The following FLOT1 variants were observed in gnomAD, a reference collection of about 807,000 sequenced individuals.
FLOT1 encodes the protein flotillin-1.
A neutral mutation model predicts 58.4 loss-of-function variants in FLOT1; 40 were observed. The observed-to-expected ratio is 0.69, with a 90% CI of 0.53 to 0.89. The LOEUF is 0.89. Among genes scored for constraint, FLOT1 ranks in the 40% least tolerant of loss-of-function variants. The pLI is 0.00. For synonymous variants in FLOT1, 178 were observed against 204.2 expected, an observed-to-expected ratio of 0.87 and a Z score of 1.09; for missense variants, 423 against 540.8, an observed-to-expected ratio of 0.78 and a Z score of 2.16.
intron 8 of FLOT1, chr6:30,736,426 C>T (rs1455107574): frequency 6.7e-6 from 1 of 148,822 alleles, no homozygotes; most frequent in Non-Finnish European, 1.5e-5. Context: ...CTATCTTTAC[C>T]TTAAAAAAAA....
intron 8 of FLOT1, among the ~76,000 whole-genome samples, chr6:30,734,354 G>C (rs1777417817): frequency 6.6e-6 from 1 of 150,944 alleles, no homozygotes; most frequent in Non-Finnish European, 1.5e-5. Context: ...TGTCACCCAG[G>C]CTGGAGTGCA....
chr6:30,727,966 G>T lies in FLOT1; in HGVS notation c.*150C>A. 1 of 773,534 alleles carries T rather than the reference G, an allele frequency of 1.3e-6. No homozygotes were observed. The highest frequency in any genetic ancestry group is 2.3e-6 in the Non-Finnish European group (1 of 440,362). 47.9% of individuals were successfully genotyped at this position (773,534 alleles called of 1,614,324 possible). A position where few individuals can be genotyped will look rare whatever the true frequency, so the allele number is the denominator to read the frequency against. The stretch of plus-strand genomic sequence containing the variant: ...TGGCAAGGGGAGCAACCCCCTTCAA[G>T]ACAAGGCACAAACTATTTGGCAAGG... On this transcript the variant is annotated 3_prime_UTR_variant, in exon 13 of 13. Coordinates refer to ENST00000376389, the MANE Select transcript of FLOT1 (RefSeq NM_005803.4).
Position 30,727,873 on chromosome 6 carries a change from G to T in FLOT1, c.*243C>A. 1 of 597,410 alleles carries T rather than the reference G, an allele frequency of 1.7e-6. No homozygotes were observed. Among genetic ancestry groups the T allele is most frequent in the South Asian group, 2.0e-5 (1 of 49,606 alleles). 37.0% of individuals were successfully genotyped at this position (597,410 alleles called of 1,614,324 possible). On this transcript the variant is annotated 3_prime_UTR_variant, in exon 13 of 13. Coordinates refer to ENST00000376389, the MANE Select transcript of FLOT1 (RefSeq NM_005803.4). ...TTAGGAAGTTAAATAAGTTGAGGTG[G>T]GGTGGAGTGGGATCATCAGAAGGCT...
At position 30,741,745 on chromosome 6, in the gene FLOT1, A is replaced by G. The variant is rs1365659080; in HGVS notation, c.120-41T>C. The G allele has an allele frequency of 6.2e-7, 1 of 1,610,684 alleles. No homozygotes were observed. Among genetic ancestry groups the G allele is most frequent in the South Asian group, 1.1e-5 (1 of 91,042 alleles). On this transcript the variant is annotated intron_variant, in intron 3 of 12. Transcript: ENST00000376389. This position sits in a 1 kb window ranked among gnomAD's most constrained non-coding sequence, Gnocchi z 5.9. ...GGGACAGACAGTAAGAAGAGGAGGA[A>G]AAAGAGAAAACGGAGGTCCCCCTTC...
rs776220233 is a variant in FLOT1 at position 30,741,763 on chromosome 6, C to T, written c.119+29G>A. ...AGGAGGAAAAAGAGAAAACGGAGGT[C>T]CCCCTTCCCTGGTTCCCTTCTTGCC... On this transcript the variant is annotated intron_variant, in intron 3 of 12. Transcript: ENST00000376389. This position sits in a 1 kb window ranked among gnomAD's most constrained non-coding sequence, Gnocchi z 5.9. 36 of 1,611,196 alleles carry T rather than the reference C, an allele frequency of 2.2e-5. No individual in the cohort carries two copies. Among genetic ancestry groups the T allele is most frequent in the Non-Finnish European group, 2.8e-5 (33 of 1,178,442 alleles).
At chr6:30,740,121 G>C (rs772724011) in intron 8 of FLOT1, 37 bp downstream of exon 8, 5 of 1,605,892 alleles carry the variant, frequency 3.1e-6, no homozygotes, top group Non-Finnish European at 3.4e-6. Context: ...GAGAGGAATG[G>C]GGAAGGGGCA....
rs35048121 is a variant in FLOT1 at position 30,733,740 on chromosome 6, C to CAAAA, written c.724-2644_724-2641dup. Reference sequence around the variant, plus strand: ...GGGTGACAAGAGCAAAAATCCATCTCAAAAAAAAAAAAAAAGAAAAGAAAG... The same window carrying CAAAA: ...GGGTGACAAGAGCAAAAATCCATCTCAAAAAAAAAAAAAAAAAAAGAAAAGAAAG... On this transcript the variant is annotated intron_variant, in intron 8 of 12. Coordinates refer to ENST00000376389, the MANE Select transcript of FLOT1 (RefSeq NM_005803.4). Among the ~76,000 whole-genome samples, 32 of 63,056 alleles carry CAAAA rather than the reference C, an allele frequency of 5.1e-4. 1 individual carries two copies. Among genetic ancestry groups the CAAAA allele is most frequent in the East Asian group, 3.6e-3 (7 of 1,962 alleles). 41.4% of individuals were successfully genotyped at this position (63,056 alleles called of 152,430 possible).
intron 5 of FLOT1, 115 bp from the exon 6 acceptor site, chr6:30,740,913 A>G: frequency 7.0e-7 from 1 of 1,423,386 alleles, no homozygotes; most frequent in South Asian, 1.4e-5. Flanking sequence ...CAGCCTCCCA[A>G]GTAGCTGGGA....
At position 30,741,370 on chromosome 6, in the gene FLOT1, G is replaced by A; in HGVS notation, c.211-37C>T. The A allele has an allele frequency of 6.2e-7, 1 of 1,612,092 alleles. No homozygotes were observed. The highest frequency in any genetic ancestry group is 8.5e-7 in the Non-Finnish European group (1 of 1,179,320). On this transcript the variant is annotated intron_variant, in intron 4 of 12. Coordinates refer to ENST00000376389, the MANE Select transcript of FLOT1 (RefSeq NM_005803.4). The surrounding 1 kb of genome is among the most constrained non-coding windows in gnomAD (Gnocchi z 5.9). ...GTAGGGGTAGGAAAGGTGTGGTGGG[G>A]GTCTCATGAAGTCAGAGAAAAAGCA... is the stretch of plus-strand genomic sequence containing the variant.
rs773552877 is a variant in FLOT1 at position 30,741,611 on chromosome 6, C to T, written c.210+3G>A. 28 of 1,608,636 alleles carry T rather than the reference C, an allele frequency of 1.7e-5. No homozygotes were observed. Among genetic ancestry groups the T allele is most frequent in the Non-Finnish European group, 2.4e-5 (28 of 1,176,332 alleles). ...TGTGGGGAAAAGGCTCTGAAAGCTT[C>T]ACCTGGGCAATGCCAGTGACTGAGA... On this transcript the variant is annotated splice_donor_region_variant and intron_variant, in intron 4 of 12. Coordinates refer to ENST00000376389, the MANE Select transcript of FLOT1 (RefSeq NM_005803.4). The surrounding 1 kb of genome is among the most constrained non-coding windows in gnomAD (Gnocchi z 5.9).
At position 30,741,484 on chromosome 6, in the gene FLOT1, A is replaced by G. The variant is rs563259628; in HGVS notation, c.210+130T>C. 6.3e-6 allele frequency: 8 copies of G among 1,267,260 alleles called. No individual in the cohort carries two copies. In the African/African-American group the frequency reaches 1.0e-4, roughly 16 times the overall value. 78.5% of individuals were successfully genotyped at this position (1,267,260 alleles called of 1,614,324 possible). A position where few individuals can be genotyped will look rare whatever the true frequency, so the allele number is the denominator to read the frequency against. On this transcript the variant is annotated intron_variant, in intron 4 of 12. Transcript: ENST00000376389. This position sits in a 1 kb window ranked among gnomAD's most constrained non-coding sequence, Gnocchi z 5.9. ...GGCAAGTGCCTTGGGGTGCCTGGAA[A>G]AGATGAGACTAGCAGAGGAACTTCT...
rs937536497 is a variant in FLOT1 at position 30,730,193 on chromosome 6, G to A, written c.1090-7C>T. 1.2e-6 allele frequency: 2 copies of A among 1,612,840 alleles called. No homozygotes were observed. The highest frequency in any genetic ancestry group is 1.1e-5 in the South Asian group (1 of 91,076). ...CACTGATCTCCTCTGCCACCTGGCA[G>A]GAGAGAGACACCCACTCAGTGCCCA... On this transcript the variant is annotated splice_region_variant and splice_polypyrimidine_tract_variant and intron_variant, in intron 11 of 12. Coordinates refer to ENST00000376389, the MANE Select transcript of FLOT1 (RefSeq NM_005803.4).
Position 30,731,055 on chromosome 6 carries a change from G to C in FLOT1, c.769C>G (p.Gln257Glu). The change falls in exon 9 of 13, where the codon CAG (glutamine) becomes GAG (glutamate). Residue 257 changes from glutamine (Q) to glutamate (E), a missense_variant. Gln to Glu is a conservative substitution (Grantham distance 29, BLOSUM62 2). This residue lies in a region of FLOT1 where 137 missense variants were observed against 194.6 expected (regional missense o/e 0.70). Transcript: ENST00000376389. ...ACCTGCTGGGCCCGCTCCACCACCT[G>C]CACCTGCACCCGCTGCTCCTCAATC... ...QQIEEQRVQV[Q>E]VVERAQQVAV... The C allele has an allele frequency of 6.2e-7, 1 of 1,610,828 alleles. No individual in the cohort carries two copies. The highest frequency in any genetic ancestry group is 1.7e-5 in the Admixed American group (1 of 60,014).
At position 30,740,768 on chromosome 6, in the gene FLOT1, C is replaced by G. The variant is rs772245658; in HGVS notation, c.385G>C (p.Glu129Gln). 1 of 1,611,994 alleles carries G rather than the reference C, an allele frequency of 6.2e-7. No homozygotes were observed. Among genetic ancestry groups the G allele is most frequent in the Non-Finnish European group, 8.5e-7 (1 of 1,179,876 alleles). The change falls in exon 6 of 13, where the codon GAA becomes CAA. Residue 129 changes from glutamate to glutamine, a missense_variant. Glu to Gln is a conservative substitution (Grantham distance 29). Transcript: ENST00000376389. ...EIYKDRQKFS[E>Q]QVFKVASSDL... ...GAGGAGGCCACTTTGAAAACCTGTT[C>G]TGAGAATTTCTGCCTGTCCTTATAG...
At chr6:30,729,399 T>TA (rs1776988882) in intron 12 of FLOT1, among the ~76,000 whole-genome samples, 1 of 152,170 alleles carries the variant, frequency 6.6e-6, no homozygotes, top group African/African-American at 2.4e-5. Context: ...AACATACACA[T>TA]AATGCTTACT....
chr6:30,742,248 C>T lies in FLOT1; in HGVS notation c.-14-45G>A, dbSNP rs1778052038. 6.5e-7 allele frequency: 1 copy of T among 1,547,242 alleles called. No individual in the cohort carries two copies. The highest frequency in any genetic ancestry group is 8.9e-7 in the Non-Finnish European group (1 of 1,120,264). ...AGCCTTTGCGGATGGGGAAGGCGCG[C>T]TGTGGCGTCCACAGGGGCCCATCCT... is the stretch of plus-strand genomic sequence containing the variant. On this transcript the variant is annotated intron_variant, in intron 1 of 12. Coordinates refer to ENST00000376389, the MANE Select transcript of FLOT1 (RefSeq NM_005803.4). This position sits in a 1 kb window ranked among gnomAD's most constrained non-coding sequence, Gnocchi z 5.2.
At chr6:30,740,451 C>T in intron 7 of FLOT1, 45 bp downstream of exon 7, 1 of 1,597,418 alleles carries the variant, frequency 6.3e-7, no homozygotes, top group Non-Finnish European at 8.6e-7. Flanking sequence ...CTCAGTTGTG[C>T]CACTTCTATC....
Position 30,730,684 on chromosome 6 carries a change from G to A in FLOT1, c.949C>T (p.Arg317Trp). 3.1e-6 allele frequency: 5 copies of A among 1,613,482 alleles called. No homozygotes were observed. The highest frequency in any genetic ancestry group is 4.2e-6 in the Non-Finnish European group (5 of 1,180,030). Residue 317 changes from arginine (R) to tryptophan (W), a missense_variant and splice_region_variant, in exon 10 of 13, where the codon CGG (arginine) becomes TGG (tryptophan). Physicochemically the swap from Arg to Trp is moderately radical, Grantham distance 101. Coordinates refer to ENST00000376389, the MANE Select transcript of FLOT1 (RefSeq NM_005803.4). ...CATGGAACTGCCTCTTAACTCACCCGCACAGACGCGGCTTCTGCCTCCGCC... is the reference window on the plus strand; with the variant it reads ...CATGGAACTGCCTCTTAACTCACCCACACAGACGCGGCTTCTGCCTCCGCC... ...MQAEAEAASVRMRGEAEAFAI... is the reference protein window; with the variant it reads ...MQAEAEAASVWMRGEAEAFAI...
At position 30,737,205 on chromosome 6, in the gene FLOT1, CTGT is replaced by C. The variant is rs1248633318; in HGVS notation, c.723+2950_723+2952del. Among the ~76,000 whole-genome samples the C allele has an allele frequency of 7.0e-6, 1 of 142,132 alleles. No individual in the cohort carries two copies. Among genetic ancestry groups the C allele is most frequent in the African/African-American group, 2.7e-5 (1 of 37,172 alleles). The allele number at this position is 142,132 out of a possible 152,430, so 93.2% of individuals were successfully genotyped here. A position where few individuals can be genotyped will look rare whatever the true frequency, so the allele number is the denominator to read the frequency against. ...TATGACTGACTGACTGACTGACTGT[CTGT>C]CGTCCGTCCGTCCGTCCGTCCGTCC... On this transcript the variant is annotated intron_variant, in intron 8 of 12. Coordinates refer to ENST00000376389, the MANE Select transcript of FLOT1 (RefSeq NM_005803.4). This position sits in a 1 kb window ranked among gnomAD's most constrained non-coding sequence, Gnocchi z 4.4.
Sources: gnomAD v4.1 joint callset for allele counts (sites outside exome capture counted in the v4.1 genomes callset) on GRCh38, gnomAD v4.1.1 for gene constraint, gnomAD v4.1.1 regional missense constraint, Gnocchi (gnomAD v3.1) non-coding constraint, MANE v1.5 for transcripts, NCBI Gene and HGNC (gene_info 2026-07-23, HGNC 2026-07-21) for gene names.